Variants in MYO1B observed in about 807,000 individuals in gnomAD.
The protein encoded by MYO1B is unconventional myosin-Ib.
MYO1B carries 72 observed loss-of-function variants against 159.7 expected under a neutral mutation model. The observed-to-expected ratio is 0.45, with a 90% confidence interval of 0.37 to 0.55. MYO1B has a LOEUF of 0.55. MYO1B is among the 20% of genes least tolerant of loss of function. MYO1B has a pLI of 0.00. For synonymous variants in MYO1B, 468 were observed against 473.8 expected (o/e 0.99, Z 0.16); for missense variants, 1,062 against 1,364.8 (o/e 0.78, Z 3.50).
chr2:191,414,700 A>T (rs779662768), intron 29 of MYO1B, 31 bp downstream of exon 29: 11 of 1,584,590 alleles, frequency 6.9e-6, no homozygotes, highest in Non-Finnish European at 8.6e-6. Context: ...TTCTGTGCTT[A>T]ATCTCTCAGC....
At chr2:191,313,303 C>A (rs973384171) in intron 3 of MYO1B, among the ~76,000 whole-genome samples, 1 of 145,008 alleles carries the variant, frequency 6.9e-6, no homozygotes, top group Admixed American at 7.3e-5. Context: ...GTCTGCCTCC[C>A]GGGTTCCAGG....
In MYO1B at chr2:191,370,669, T is replaced by A. The variant is rs183695897; in HGVS notation, c.1185+377T>A. Among the ~76,000 whole-genome samples the A allele has an allele frequency of 2.0e-3, 312 of 152,314 alleles. 1 individual carries two copies. The highest frequency in any genetic ancestry group is 4.0e-3 in the Non-Finnish European group (274 of 68,030). On this transcript the variant is annotated intron_variant, in intron 13 of 30. Coordinates refer to ENST00000392318, the MANE Select transcript of MYO1B (RefSeq NM_001130158.3). ...GCTACAATGAGTATGTCTGTGGCCA[T>A]TTGTGTGTTGTTAGAAAGTGTGGCA...
chr2:191,277,480 A>G (rs1687822399), intron 2 of MYO1B, among the ~76,000 whole-genome samples: 1 of 152,234 alleles, frequency 6.6e-6, no homozygotes, highest in South Asian at 2.1e-4. Flanking sequence ...TCAGATAAAA[A>G]TATGTAATTG....
intron 3 of MYO1B, among the ~76,000 whole-genome samples, chr2:191,317,002 A>G (rs1179590726): frequency 6.6e-6 from 1 of 152,194 alleles, no homozygotes; most frequent in Non-Finnish European, 1.5e-5. Flanking sequence ...CTTGTTCTCA[A>G]CATAAATTCG....
intron 25 of MYO1B, among the ~76,000 whole-genome samples, chr2:191,408,553 CAG>C (rs928184803): frequency 5.9e-5 from 9 of 152,126 alleles, no homozygotes; most frequent in Admixed American, 2.6e-4. Context: ...AGAGGGGTGA[CAG>C]GGAGCCAGGC....
chr2:191,417,383 G>A (rs1697643168), intron 30 of MYO1B, among the ~76,000 whole-genome samples: 1 of 152,078 alleles, frequency 6.6e-6, no homozygotes, highest in Non-Finnish European at 1.5e-5. Context: ...AATAATGGTT[G>A]GTGTGTTTCA....
intron 23 of MYO1B, among the ~76,000 whole-genome samples, chr2:191,401,316 A>G (rs1001720686): frequency 2.0e-5 from 3 of 152,274 alleles, no homozygotes; most frequent in East Asian, 3.9e-4. Flanking sequence ...TGTGGCAGCT[A>G]TTGATTATTA....
chr2:191,289,938 A>C (rs1173027260), intron 2 of MYO1B, among the ~76,000 whole-genome samples: 3 of 152,198 alleles, frequency 2.0e-5, no homozygotes, highest in Non-Finnish European at 4.4e-5. Context: ...CTAATGTTTC[A>C]TTTATCTGCC....
At chr2:191,307,231 C>G (rs1341975265) in intron 3 of MYO1B, among the ~76,000 whole-genome samples, 13 of 151,474 alleles carry the variant, frequency 8.6e-5, no homozygotes, top group Admixed American at 8.5e-4. Flanking sequence ...AGGGTTCCTT[C>G]TGTTTTTTTT....
Position 191,287,255 on chromosome 2 carries a change from C to T in MYO1B, c.136-8856C>T, listed in dbSNP as rs115644188. 9.3e-3 allele frequency among the ~76,000 whole-genome samples: 1,421 copies of T among 152,120 alleles called. 27 individuals carry two copies. The highest frequency in any genetic ancestry group is 0.032 in the African/African-American group (1,309 of 41,468). On this transcript the variant is annotated intron_variant, in intron 2 of 30. Coordinates refer to ENST00000392318, the MANE Select transcript of MYO1B (RefSeq NM_001130158.3). ...AAGATGAGGAAACTCAGGCCAGGCG[C>T]GGTGGCTCACGCCTGCAATCCCAGC...
At chr2:191,342,451 A>G (rs944360757) in intron 5 of MYO1B, among the ~76,000 whole-genome samples, 1 of 152,218 alleles carries the variant, frequency 6.6e-6, no homozygotes, top group Non-Finnish European at 1.5e-5. Flanking sequence ...ACCAGAAATG[A>G]GTTTCCTTAA....
At chr2:191,357,195 A>G (rs1335409234) in intron 7 of MYO1B, among the ~76,000 whole-genome samples, 1 of 152,196 alleles carries the variant, frequency 6.6e-6, no homozygotes. Flanking sequence ...TTATTTGTCA[A>G]AAAACTTCAT....
rs186655125 is a variant in MYO1B, at chr2:191,306,574, A to C, written c.251+10348A>C. Among the ~76,000 whole-genome samples the C allele has an allele frequency of 6.0e-3, 911 of 152,272 alleles. 13 individuals are homozygous for C. Among genetic ancestry groups the C allele is most frequent in the African/African-American group, 0.021 (885 of 41,558 alleles). On this transcript the variant is annotated intron_variant, in intron 3 of 30. Coordinates refer to ENST00000392318, the MANE Select transcript of MYO1B (RefSeq NM_001130158.3). ...AGAGGTTTAGGTTTAGGGACGTGGT[A>C]GGCTTTTGCAGTAAGGGACAAGGAC...
At chr2:191,397,063 T>A (rs1016672336) in intron 21 of MYO1B, among the ~76,000 whole-genome samples, 3 of 141,584 alleles carry the variant, frequency 2.1e-5, no homozygotes, top group Non-Finnish European at 4.6e-5. Flanking sequence ...TCATACAACC[T>A]GCAAGCTAAG....
At chr2:191,288,841 A>G (rs183786365) in intron 2 of MYO1B, among the ~76,000 whole-genome samples, 30 of 152,360 alleles carry the variant, frequency 2.0e-4, no homozygotes, top group African/African-American at 6.5e-4. Context: ...GTTGGAAGTA[A>G]TGGCAAAAAC....
chr2:191,254,573 G>A (rs1246003907), intron 1 of MYO1B, among the ~76,000 whole-genome samples: 1 of 151,618 alleles, frequency 6.6e-6, no homozygotes, highest in East Asian at 1.9e-4. Context: ...TGGCATGATC[G>A]TAGCTCGGTG....
rs751114516 is a variant in MYO1B, at chr2:191,400,808, T to C, written c.2442T>C (p.Val814=). ...EEARNKHAIA[V]IWAYWLGSKA... is the part of the protein sequence containing the mutation. ...CTAGGAATAAACATGCTATTGCAGT[T>C]ATTTGGGCTTACTGGCTTGGATCTA... Residue 814 remains valine, a synonymous_variant, in exon 23 of 31, where the codon GTT becomes GTC. Transcript: ENST00000392318. The C allele has an allele frequency of 1.2e-4, 191 of 1,613,882 alleles. No homozygotes were observed. Among genetic ancestry groups the C allele is most frequent in the Non-Finnish European group, 1.5e-4 (180 of 1,179,882 alleles).
chr2:191,373,144 C>T (rs774416175), intron 13 of MYO1B, among the ~76,000 whole-genome samples: 4 of 152,114 alleles, frequency 2.6e-5, no homozygotes, highest in Non-Finnish European at 4.4e-5. Context: ...GCCACCGCGC[C>T]GGCCTGGCTG....
intron 1 of MYO1B, chr2:191,245,943 T>C (rs1339115209): frequency 6.6e-6 from 1 of 152,282 alleles, no homozygotes; most frequent in Non-Finnish European, 1.5e-5. Context: ...GAATCTCGGC[T>C]GTCCTCGTGT....
Sources: allele counts gnomAD v4.1 joint callset (sites outside exome capture counted in the v4.1 genomes callset), GRCh38; gene constraint gnomAD v4.1.1; transcripts MANE v1.5; gene names NCBI Gene and HGNC (gene_info 2026-07-23, HGNC 2026-07-21).